The following TENM3 variants were observed in gnomAD, a reference collection of about 807,000 sequenced individuals.
TENM3 encodes the protein teneurin-3.
A neutral mutation model predicts 255.1 loss-of-function variants in TENM3; 63 were observed. That is an observed-to-expected ratio of 0.25 (90% CI 0.20 to 0.30). The LOEUF (loss-of-function observed/expected upper bound fraction) is 0.30, where lower values mean the gene tolerates loss of function less well. TENM3 is among the 10% of genes least tolerant of loss of function. The probability of loss-of-function intolerance (pLI) is 1.00; values close to 1 mark genes in which losing one functional copy is unlikely to be tolerated. For synonymous variants in TENM3, 1,306 were observed against 1,322.3 expected, an observed-to-expected ratio of 0.99 and a Z score of 0.27; for missense variants, 2,929 against 3,461.1, an observed-to-expected ratio of 0.85 and a Z score of 3.86.
intron 1 of TENM3, among the ~76,000 whole-genome samples, chr4:182,181,678 C>T (rs1207059651): frequency 6.6e-6 from 1 of 151,482 alleles, no homozygotes; most frequent in Non-Finnish European, 1.5e-5. Flanking sequence ...TTCTCATTGA[C>T]TTACCCATAA....
chr4:182,798,036 AT>A (rs966147014), intron 27 of TENM3, among the ~76,000 whole-genome samples: 19 of 151,764 alleles, frequency 1.3e-4, no homozygotes, highest in African/African-American at 3.9e-4. Flanking sequence ...TATCATATAT[AT>A]TTTTTTTTAA....
At chr4:182,022,203 T>C in the TENM3 span, among the ~76,000 whole-genome samples, 1 of 151,600 alleles carries the variant, frequency 6.6e-6, no homozygotes, top group Admixed American at 6.6e-5. Context: ...ATATACACCA[T>C]GGAATGCTAT....
At chr4:182,458,400 G>A (rs372418335) in intron 3 of TENM3, among the ~76,000 whole-genome samples, 2 of 152,088 alleles carry the variant, frequency 1.3e-5, no homozygotes, top group African/African-American at 4.8e-5. Context: ...GCTAATTATT[G>A]GTGGTCTTTT....
Position 182,789,696 on chromosome 4 carries a change from C to T in TENM3, c.5601+307C>T, listed in dbSNP as rs1454102066. On this transcript the variant is annotated intron_variant, in intron 25 of 27. Transcript: ENST00000511685. This position sits in a 1 kb window ranked among gnomAD's most constrained non-coding sequence, Gnocchi z 4.4. The stretch of plus-strand genomic sequence containing the variant: ...CAACATTCACAAATTAGACCTTGAG[C>T]GTGTAAGTCGCTTGTAAATAATTTT... 1.3e-5 allele frequency among the ~76,000 whole-genome samples: 2 copies of T among 152,214 alleles called. No individual in the cohort carries two copies. The highest frequency in any genetic ancestry group is 6.5e-5 in the Admixed American group (1 of 15,290).
the TENM3 span, among the ~76,000 whole-genome samples, chr4:181,470,430 T>C: frequency 2.0e-5 from 3 of 152,156 alleles, no homozygotes; most frequent in Admixed American, 6.5e-5. Context: ...TAAAGTACTA[T>C]TTTTCTGTCA....
At chr4:182,226,698 G>C (rs1426765927) in intron 1 of TENM3, among the ~76,000 whole-genome samples, 3 of 152,030 alleles carry the variant, frequency 2.0e-5, no homozygotes, top group African/African-American at 7.3e-5. Flanking sequence ...TCTATCTATA[G>C]CAAAGACCAT....
rs113305922 is a variant in TENM3, at chr4:182,249,672, C to G, written c.-76+6196C>G. Among the ~76,000 whole-genome samples the G allele has an allele frequency of 7.4e-4, 112 of 152,276 alleles. 2 individuals carry two copies. Among genetic ancestry groups the G allele is most frequent in the African/African-American group, 2.5e-3 (105 of 41,566 alleles). On this transcript the variant is annotated intron_variant, in intron 1 of 27. Transcript: ENST00000511685. ...TGGTGGTGGTGGGGGTTGGGGACCT[C>G]TGAGGATGGGTCTGATAGAGAGGGG... is the stretch of plus-strand genomic sequence containing the variant.
chr4:181,451,860 G>A, the TENM3 span, among the ~76,000 whole-genome samples: 1 of 152,146 alleles, frequency 6.6e-6, no homozygotes, highest in South Asian at 2.1e-4. Context: ...CTTTTAGATG[G>A]CAATTGAAGC....
chr4:181,647,990 A>G, the TENM3 span, among the ~76,000 whole-genome samples: 1 of 152,154 alleles, frequency 6.6e-6, no homozygotes, highest in African/African-American at 2.4e-5. Context: ...TAAAATTAAC[A>G]GGGACGCTCA....
At chr4:182,181,689 T>C (rs1659415916) in intron 1 of TENM3, among the ~76,000 whole-genome samples, 1 of 152,128 alleles carries the variant, frequency 6.6e-6, no homozygotes, top group Non-Finnish European at 1.5e-5. Context: ...TTACCCATAA[T>C]GTGCAGAACA....
chr4:182,420,359 C>T lies in TENM3; in HGVS notation c.511+73430C>T, dbSNP rs528418803. Among the ~76,000 whole-genome samples, 38 of 152,166 alleles carry T rather than the reference C, an allele frequency of 2.5e-4. No individual in the cohort carries two copies. The South Asian group carries it at 3.3e-3, about 13-fold the overall frequency. The stretch of plus-strand genomic sequence containing the variant: ...ACTGTCACTCTGATTACTGTATGAG[C>T]GACTCCAGTCATCCATAGACAATAA... On this transcript the variant is annotated intron_variant, in intron 3 of 27. Coordinates refer to ENST00000511685, the MANE Select transcript of TENM3 (RefSeq NM_001080477.4).
chr4:182,786,789 C>T (rs1765696999), intron 24 of TENM3, among the ~76,000 whole-genome samples: 1 of 152,058 alleles, frequency 6.6e-6, no homozygotes, highest in Non-Finnish European at 1.5e-5. Context: ...CAGCACTGTC[C>T]CTGGAAGCTA....
chr4:181,461,266 T>C, the TENM3 span, among the ~76,000 whole-genome samples: 2 of 152,090 alleles, frequency 1.3e-5, no homozygotes, highest in East Asian at 3.8e-4. Context: ...TTTCTTCTGC[T>C]ACACCTGTGT....
At chr4:181,559,034 T>A in the TENM3 span, among the ~76,000 whole-genome samples, 43 of 152,118 alleles carry the variant, frequency 2.8e-4, no homozygotes, top group South Asian at 8.9e-3. Flanking sequence ...TATCTTCTGT[T>A]TGGTATTTCA....
chr4:182,014,301 T>A, the TENM3 span, among the ~76,000 whole-genome samples: 4 of 151,822 alleles, frequency 2.6e-5, no homozygotes, highest in Admixed American at 6.6e-5. Flanking sequence ...CTCTATTAAA[T>A]AGAGCAAGGT....
rs183979342 is a variant in TENM3 at position 182,578,707 on chromosome 4, A to C, written c.512-22217A>C. On this transcript the variant is annotated intron_variant, in intron 3 of 27. Transcript: ENST00000511685. ...TAATCTCCCTCTGACTTCTTTTCTC[A>C]TAATAAATTTCTTCCCAGGAACCTC... 4.7e-4 allele frequency among the ~76,000 whole-genome samples: 71 copies of C among 152,276 alleles called. No individual in the cohort carries two copies. The East Asian group carries it at 7.5e-3, about 16-fold the overall frequency.
At chr4:182,124,209 G>A in the TENM3 span, among the ~76,000 whole-genome samples, 314 of 152,128 alleles carry the variant, frequency 2.1e-3, 2 homozygotes, top group African/African-American at 7.0e-3. Flanking sequence ...GTGCCACCAT[G>A]CCCAGCTAAT....
the TENM3 span, among the ~76,000 whole-genome samples, chr4:181,816,654 G>A: frequency 6.6e-6 from 1 of 152,126 alleles, no homozygotes; most frequent in East Asian, 1.9e-4. Flanking sequence ...TGGGTCCTTT[G>A]CTGATTTCCT....
intron 2 of TENM3, among the ~76,000 whole-genome samples, chr4:182,328,037 AC>A (rs1423042875): frequency 2.0e-5 from 3 of 152,212 alleles, no homozygotes; most frequent in Admixed American, 2.0e-4. Context: ...AAGTAAGAAT[AC>A]ATTTGTTCCA....
Sources: gnomAD v4.1 joint callset for allele counts (sites outside exome capture counted in the v4.1 genomes callset) on GRCh38, gnomAD v4.1.1 for gene constraint, Gnocchi (gnomAD v3.1) non-coding constraint, MANE v1.5 for transcripts, NCBI Gene and HGNC (gene_info 2026-07-23, HGNC 2026-07-21) for gene names.